The following NPFFR2 variants were observed in gnomAD, a reference collection of about 807,000 sequenced individuals.
NPFFR2 encodes G-protein coupled receptor 74.
A neutral mutation model predicts 13.1 loss-of-function variants in NPFFR2; 15 were observed. The ratio of observed to expected loss-of-function variants is 1.15; its 90% CI spans 0.77 to 1.76. NPFFR2 has a LOEUF of 1.76. Among genes scored for constraint, NPFFR2 ranks in the 40% most tolerant of loss-of-function variants. The pLI, the probability that NPFFR2 is intolerant of heterozygous loss-of-function variation, is 0.00. For synonymous variants in NPFFR2, 190 were observed against 175.7 expected, an observed-to-expected ratio of 1.08 and a Z score of -0.65; for missense variants, 572 against 503.5, an observed-to-expected ratio of 1.14 and a Z score of -1.30.
chr4:72,121,961 C>T (rs7680798), intron 1 of NPFFR2, among the ~76,000 whole-genome samples: 10,689 of 151,908 alleles, frequency 0.07, 1,148 homozygotes, highest in African/African-American at 0.23. Context: ...ACTGGCAAAT[C>T]GGATAAAGAG....
chr4:72,063,207 A>C (rs1161238483), intron 1 of NPFFR2, among the ~76,000 whole-genome samples: 1 of 152,224 alleles, frequency 6.6e-6, no homozygotes, highest in East Asian at 1.9e-4. Flanking sequence ...CATAACCAAA[A>C]GTATGTTTAT....
At chr4:72,109,452 T>C (rs945012892) in intron 1 of NPFFR2, among the ~76,000 whole-genome samples, 7 of 152,016 alleles carry the variant, frequency 4.6e-5, no homozygotes, top group African/African-American at 1.7e-4. Flanking sequence ...TCGTGAGAAA[T>C]AGTAGGATTT....
At chr4:72,119,080 G>C (rs1721793532) in intron 1 of NPFFR2, among the ~76,000 whole-genome samples, 1 of 152,038 alleles carries the variant, frequency 6.6e-6, no homozygotes, top group Non-Finnish European at 1.5e-5. Flanking sequence ...AAAAATATAT[G>C]CTGGTATAGC....
At position 72,073,616 on chromosome 4, in the gene NPFFR2, T is replaced by C. The variant is rs886524714; in HGVS notation, c.-8+41416T>C. ...TTAGTGTCAAAGTTAGTATTATAAC[T>C]TTAGTTTGTAAATTAACATTTTTTT... is the stretch of plus-strand genomic sequence containing the variant. On this transcript the variant is annotated intron_variant, in intron 1 of 3. Coordinates refer to ENST00000308744, the MANE Select transcript of NPFFR2 (RefSeq NM_004885.3). Among the ~76,000 whole-genome samples the C allele has an allele frequency of 2.0e-4, 30 of 152,206 alleles. No individual in the cohort carries two copies. In the Middle Eastern group the frequency reaches 0.014, roughly 69 times the overall value.
chr4:72,085,863 C>T (rs900352089), intron 1 of NPFFR2, among the ~76,000 whole-genome samples: 1 of 151,998 alleles, frequency 6.6e-6, no homozygotes, highest in Non-Finnish European at 1.5e-5. Flanking sequence ...CCTAAAAGTA[C>T]AAGTTTAGTG....
chr4:72,144,780 C>G (rs1036176881), intron 3 of NPFFR2, among the ~76,000 whole-genome samples: 18 of 152,256 alleles, frequency 1.2e-4, no homozygotes, highest in Admixed American at 7.9e-4. Context: ...AACAAAAAAC[C>G]TGAGCTTTAT....
At chr4:72,138,198 A>G in intron 3 of NPFFR2, 59 bp downstream of exon 3, 1 of 1,039,964 alleles carries the variant, frequency 9.6e-7, no homozygotes, top group Non-Finnish European at 1.5e-6. Flanking sequence ...CTAGTATACC[A>G]GAAAAATATA....
chr4:72,140,327 A>C (rs1187745544), intron 3 of NPFFR2, among the ~76,000 whole-genome samples: 1 of 152,202 alleles, frequency 6.6e-6, no homozygotes, highest in Non-Finnish European at 1.5e-5. Context: ...GTCGACCCTG[A>C]CTTGTGCCAG....
At chr4:72,144,734 C>A (rs1314793762) in intron 3 of NPFFR2, among the ~76,000 whole-genome samples, 1 of 152,082 alleles carries the variant, frequency 6.6e-6, no homozygotes, top group Non-Finnish European at 1.5e-5. Context: ...TCATGCTCCC[C>A]AAATCAGTGA....
chr4:72,085,428 CT>C (rs760329324), intron 1 of NPFFR2, among the ~76,000 whole-genome samples: 2 of 152,100 alleles, frequency 1.3e-5, no homozygotes, highest in East Asian at 3.9e-4. Flanking sequence ...CAGCCACAAG[CT>C]TTTTTTTCCC....
At chr4:72,139,963 G>A (rs1354167155) in intron 3 of NPFFR2, among the ~76,000 whole-genome samples, 2 of 152,050 alleles carry the variant, frequency 1.3e-5, no homozygotes, top group East Asian at 3.9e-4. Flanking sequence ...TCCTTGAAGA[G>A]GTCCTTCACA....
At chr4:72,124,862 G>T (rs1721990820) in intron 1 of NPFFR2, among the ~76,000 whole-genome samples, 1 of 152,108 alleles carries the variant, frequency 6.6e-6, no homozygotes, top group Admixed American at 6.5e-5. Flanking sequence ...ATAGGCATGG[G>T]CAAGGACTTC....
chr4:72,138,101 A>G lies in NPFFR2; in HGVS notation c.390A>G (p.Ala130=). The G allele has an allele frequency of 6.2e-7, 1 of 1,613,824 alleles. No homozygotes were observed. Among genetic ancestry groups the G allele is most frequent in the Admixed American group, 1.7e-5 (1 of 59,944 alleles). ...GATTGGTCCAGGGAATATCTGTCGC[A>G]GCTTCAGTCTTTACGTTAGTTGCAA... is the stretch of plus-strand genomic sequence containing the variant. ...ISGLVQGISV[A]ASVFTLVAIA... is the part of the protein sequence containing the mutation. The change falls in exon 3 of 4, where the codon GCA becomes GCG. Residue 130 remains alanine (A), a synonymous_variant. Transcript: ENST00000308744.
intron 1 of NPFFR2, among the ~76,000 whole-genome samples, chr4:72,126,033 C>A (rs1405992763): frequency 6.6e-6 from 1 of 152,118 alleles, no homozygotes; most frequent in African/African-American, 2.4e-5. Context: ...TGGAATTTTT[C>A]TAATTTAGAA....
chr4:72,070,851 A>G (rs151106227), intron 1 of NPFFR2, among the ~76,000 whole-genome samples: 250 of 152,264 alleles, frequency 1.6e-3, no homozygotes, highest in African/African-American at 5.6e-3. Flanking sequence ...AACGTATTGT[A>G]TACTTGTAAT....
chr4:72,139,666 T>C (rs1253307294), intron 3 of NPFFR2, among the ~76,000 whole-genome samples: 3 of 151,964 alleles, frequency 2.0e-5, no homozygotes, highest in Admixed American at 1.3e-4. Context: ...TGTAGCCTTG[T>C]AGTATAGTTT....
At chr4:72,073,104 T>C (rs571407080) in intron 1 of NPFFR2, among the ~76,000 whole-genome samples, 3 of 152,178 alleles carry the variant, frequency 2.0e-5, no homozygotes, top group Non-Finnish European at 4.4e-5. Flanking sequence ...TGGACTGATA[T>C]ATTCAAACTT....
At chr4:72,101,504 A>G (rs976924211) in intron 1 of NPFFR2, among the ~76,000 whole-genome samples, 1 of 151,676 alleles carries the variant, frequency 6.6e-6, no homozygotes, top group Non-Finnish European at 1.5e-5. Flanking sequence ...AATAGAAGAG[A>G]TACTATAACA....
chr4:72,106,947 TA>T (rs1209399758), intron 1 of NPFFR2, among the ~76,000 whole-genome samples: 1 of 151,994 alleles, frequency 6.6e-6, no homozygotes, highest in African/African-American at 2.4e-5. Context: ...TCACATTGAA[TA>T]TCACGTCATG....
Sources: allele counts gnomAD v4.1 joint callset (sites outside exome capture counted in the v4.1 genomes callset), GRCh38; gene constraint gnomAD v4.1.1; transcripts MANE v1.5; gene names NCBI Gene and HGNC (gene_info 2026-07-23, HGNC 2026-07-21).